The following CTNNAL1 variants were observed in gnomAD, a reference collection of about 807,000 sequenced individuals.
The protein encoded by CTNNAL1 is catenin alpha like 1.
A neutral mutation model predicts 93.6 loss-of-function variants in CTNNAL1; 69 were observed. The observed-to-expected ratio is 0.74, with a 90% CI of 0.61 to 0.90. The LOEUF (loss-of-function observed/expected upper bound fraction) is 0.90, where lower values mean the gene tolerates loss of function less well. Among genes scored for constraint, CTNNAL1 ranks in the 40% least tolerant of loss-of-function variants. The pLI is 0.00. For missense variants in CTNNAL1, 836 were observed against 862.0 expected, an observed-to-expected ratio of 0.97 and a Z score of 0.38; for synonymous variants, 286 against 305.4, an observed-to-expected ratio of 0.94 and a Z score of 0.66.
chr9:109,001,446 G>A (rs932471303), intron 1 of CTNNAL1, among the ~76,000 whole-genome samples: 7 of 152,152 alleles, frequency 4.6e-5, no homozygotes, highest in African/African-American at 1.7e-4. Flanking sequence ...CCACATGAGT[G>A]TGGACTGGAC....
intron 14 of CTNNAL1, chr9:108,950,419 T>C: frequency 7.2e-7 from 1 of 1,390,992 alleles, no homozygotes; most frequent in Non-Finnish European, 9.7e-7. Flanking sequence ...TGGTCTCCAA[T>C]GATGGAAAAT....
chr9:108,983,342 T>G lies in CTNNAL1; in HGVS notation c.730-27A>C, dbSNP rs746278563. 1.1e-5 allele frequency: 16 copies of G among 1,445,856 alleles called. No individual in the cohort carries two copies. The South Asian group carries it at 2.6e-4, about 23-fold the overall frequency. 89.6% of individuals were successfully genotyped at this position (1,445,856 alleles called of 1,614,324 possible). A position where few individuals can be genotyped will look rare whatever the true frequency, so the allele number is the denominator to read the frequency against. On this transcript the variant is annotated intron_variant, in intron 5 of 18. Transcript: ENST00000325551. ...TTCAAAACAATTGAAAATTTTTATTTTAATATTTGATTTATGTCATAATGC... is the reference window on the plus strand; with the variant it reads ...TTCAAAACAATTGAAAATTTTTATTGTAATATTTGATTTATGTCATAATGC...
chr9:108,995,748 A>G (rs1831991941), intron 2 of CTNNAL1, among the ~76,000 whole-genome samples: 1 of 152,218 alleles, frequency 6.6e-6, no homozygotes, highest in East Asian at 1.9e-4. Context: ...AAGAATAAAA[A>G]TTAATTATAA....
intron 8 of CTNNAL1, among the ~76,000 whole-genome samples, chr9:108,974,818 C>G (rs945452802): frequency 6.6e-6 from 1 of 152,106 alleles, no homozygotes; most frequent in Non-Finnish European, 1.5e-5. Context: ...GACCCCATCT[C>G]AAAAATAAGA....
At chr9:109,008,876 CTTTTTTTTTTTTTTTTTTT>C (rs1162375548) in intron 1 of CTNNAL1, among the ~76,000 whole-genome samples, 1 of 54,872 alleles carries the variant, frequency 1.8e-5, no homozygotes, top group East Asian at 6.0e-4. Context: ...AACAGAGGTT[CTTTTTTTTTTTTTTTTTTT>C]TTTTTTTTTT....
chr9:109,005,780 G>A (rs1827006632), intron 1 of CTNNAL1, among the ~76,000 whole-genome samples: 1 of 152,140 alleles, frequency 6.6e-6, no homozygotes, highest in Non-Finnish European at 1.5e-5. Context: ...CAATTACAAA[G>A]AAAAGATCCT....
At chr9:108,951,319 G>A (rs1016053221) in intron 14 of CTNNAL1, among the ~76,000 whole-genome samples, 4 of 151,978 alleles carry the variant, frequency 2.6e-5, no homozygotes, top group East Asian at 1.9e-4. Context: ...CCGGCAGGGG[G>A]TGCTATTTAT....
Position 108,942,784 on chromosome 9 carries a change from C to T in CTNNAL1, c.2190G>A (p.Met730Ile), listed in dbSNP as rs1225857850. ...CAAAAGCTTCTCAAGTTTTACTATC[C>T]ATAGTGTCCTTATTTGTAACTGAGA... ...GWVSVTNKDT[M>I]DSKT The change falls in exon 19 of 19, where the codon ATG becomes ATA. Residue 730 changes from methionine (M) to isoleucine (I), a missense_variant. Physicochemically the swap from Met to Ile is conservative, Grantham distance 10. Coordinates refer to ENST00000325551, the MANE Select transcript of CTNNAL1 (RefSeq NM_003798.4). The T allele has an allele frequency of 6.2e-7, 1 of 1,611,276 alleles. No homozygotes were observed. The highest frequency in any genetic ancestry group is 8.5e-7 in the Non-Finnish European group (1 of 1,177,788).
chr9:109,008,876 CTTTTTTTTTTTTTTT>C (rs1162375548), intron 1 of CTNNAL1, among the ~76,000 whole-genome samples: 2 of 54,872 alleles, frequency 3.6e-5, no homozygotes, highest in African/African-American at 1.5e-4. Context: ...AACAGAGGTT[CTTTTTTTTTTTTTTT>C]TTTTTTTTTT....
intron 5 of CTNNAL1, 86 bp from the exon 6 acceptor site, chr9:108,983,401 AAAAATGGTTCTTTACC>A: frequency 1.5e-6 from 2 of 1,291,060 alleles, no homozygotes; most frequent in Middle Eastern, 2.9e-4. Context: ...TCATGCTAAG[AAAAATGGTTCTTTACC>A]AAAATCTCCT....
At chr9:108,972,859 GGTGGGA>G in intron 8 of CTNNAL1, 26 bp from the exon 9 acceptor site, 1 of 371,030 alleles carries the variant, frequency 2.7e-6, no homozygotes, top group Non-Finnish European at 5.2e-6. Context: ...TGGGTGGGGG[GGTGGGA>G]GGGTGGAGAA....
chr9:108,952,616 A>C lies in CTNNAL1; in HGVS notation c.1630-122T>G, dbSNP rs28361166. On this transcript the variant is annotated intron_variant, in intron 12 of 18. Transcript: ENST00000325551. Reference sequence around the variant, plus strand: ...CAAAAGTTTAAAATATTCAGTATGTAATGACTGAATATTTTACCAATTGCA... The same window carrying C: ...CAAAAGTTTAAAATATTCAGTATGTCATGACTGAATATTTTACCAATTGCA... 5,157 of 1,233,658 alleles carry C rather than the reference A, an allele frequency of 4.2e-3. 174 individuals carry two copies. In the African/African-American group the frequency reaches 0.071, roughly 17 times the overall value. The allele number at this position is 1,233,658 out of a possible 1,614,324, so 76.4% of individuals were successfully genotyped here.
At chr9:108,961,823 C>T (rs1830827564) in intron 11 of CTNNAL1, among the ~76,000 whole-genome samples, 1 of 152,084 alleles carries the variant, frequency 6.6e-6, no homozygotes, top group Admixed American at 6.6e-5. Flanking sequence ...TTTAGCTGGC[C>T]CCATCCTCAG....
intron 8 of CTNNAL1, 31 bp from the exon 9 acceptor site, chr9:108,972,864 G>GGGGGGGCGCCCCCCCCCCC: frequency 2.1e-5 from 3 of 142,568 alleles, no homozygotes; most frequent in Non-Finnish European, 3.0e-5. Context: ...GGGGGGGTGG[G>GGGGGGGCGCCCCCCCCCCC]AGGGTGGAGA....
chr9:109,004,354 AT>A (rs1227812223), intron 1 of CTNNAL1, among the ~76,000 whole-genome samples: 1 of 152,232 alleles, frequency 6.6e-6, no homozygotes, highest in Non-Finnish European at 1.5e-5. Flanking sequence ...AATGGGGGTA[AT>A]AATCATCCCT....
chr9:108,960,516 G>A (rs1232055436), intron 11 of CTNNAL1, among the ~76,000 whole-genome samples: 1 of 152,084 alleles, frequency 6.6e-6, no homozygotes, highest in Non-Finnish European at 1.5e-5. Context: ...AGGGCTGCCA[G>A]GAAAATGAGA....
chr9:108,945,643 GT>G lies in CTNNAL1; in HGVS notation c.1885-1626del, dbSNP rs1319557755. Among the ~76,000 whole-genome samples the G allele has an allele frequency of 8.5e-3, 1,030 of 120,754 alleles. 5 individuals are homozygous for G. The highest frequency in any genetic ancestry group is 0.029 in the African/African-American group (978 of 33,638). The allele number at this position is 120,754 out of a possible 152,430, so 79.2% of individuals were successfully genotyped here. ...TGCCCCGCTAGTTTTTTTTTTTTTT[GT>G]TTTGTTTTTTTGTAGAGACAAGGTC... On this transcript the variant is annotated intron_variant, in intron 15 of 18. Coordinates refer to ENST00000325551, the MANE Select transcript of CTNNAL1 (RefSeq NM_003798.4).
intron 11 of CTNNAL1, among the ~76,000 whole-genome samples, chr9:108,961,388 T>C (rs1830817965): frequency 6.6e-6 from 1 of 152,174 alleles, no homozygotes; most frequent in Non-Finnish European, 1.5e-5. Flanking sequence ...ATGAGGTTCA[T>C]GATAAAAATC....
In CTNNAL1 at chr9:108,983,169, A is replaced by T. The variant is rs1170830053; in HGVS notation, c.876T>A (p.Ile292=). 1 of 1,556,748 alleles carries T rather than the reference A, an allele frequency of 6.4e-7. No homozygotes were observed. Among genetic ancestry groups the T allele is most frequent in the African/African-American group, 1.4e-5 (1 of 72,526 alleles). The part of the protein sequence containing the change: ...NGETDISSIS[I]FTGIKEFKMN... ...CCTTGAATTCCTTAATTCCAGTAAA[A>T]ATACTGATAGATGAAATGTCAGTCT... The change falls in exon 6 of 19, where the codon ATT becomes ATA. Residue 292 remains isoleucine (I), a synonymous_variant. Transcript: ENST00000325551.
Sources: allele counts gnomAD v4.1 joint callset (sites outside exome capture counted in the v4.1 genomes callset), GRCh38; gene constraint gnomAD v4.1.1; transcripts MANE v1.5; gene names NCBI Gene and HGNC (gene_info 2026-07-23, HGNC 2026-07-21).